PXDNL: variants seen among roughly 807,000 people sequenced by gnomAD.
The protein encoded by PXDNL is probable oxidoreductase PXDNL.
A neutral mutation model predicts 150.8 loss-of-function variants in PXDNL; 145 were observed. The observed-to-expected ratio is 0.96, with a 90% CI of 0.84 to 1.10. PXDNL has a LOEUF of 1.10. Among genes scored for constraint, PXDNL ranks in the 50% least tolerant of loss-of-function variants. The pLI, the probability that PXDNL is intolerant of heterozygous loss-of-function variation, is 0.00. For synonymous variants in PXDNL, 757 were observed against 725.7 expected (o/e 1.04, Z -0.69); for missense variants, 2,087 against 1,873.9 (o/e 1.11, Z -2.10).
intron 1 of PXDNL, among the ~76,000 whole-genome samples, chr8:51,661,737 T>C (rs1007158532): frequency 2.0e-5 from 3 of 152,246 alleles, no homozygotes; most frequent in South Asian, 4.1e-4. Flanking sequence ...GCAAAATCTG[T>C]AGGGAGACCA....
chr8:51,564,125 A>T (rs1157180442), intron 3 of PXDNL, among the ~76,000 whole-genome samples: 1 of 151,990 alleles, frequency 6.6e-6, no homozygotes, highest in Non-Finnish European at 1.5e-5. Flanking sequence ...TTCAGATTTT[A>T]TTTTCAATTA....
intron 1 of PXDNL, 109 bp from the exon 2 acceptor site, chr8:51,654,869 T>C: frequency 1.3e-6 from 1 of 775,956 alleles, no homozygotes; most frequent in Non-Finnish European, 2.2e-6. Context: ...CATACAGTAC[T>C]AAAGGACTAA....
At chr8:51,784,146 T>C (rs931647071) in intron 1 of PXDNL, among the ~76,000 whole-genome samples, 14 of 152,352 alleles carry the variant, frequency 9.2e-5, no homozygotes, top group Admixed American at 2.0e-4. Flanking sequence ...CCAAGAACTA[T>C]ACAAGACTCT....
chr8:51,364,664 A>G (rs1425631968), intron 19 of PXDNL, among the ~76,000 whole-genome samples: 2 of 152,220 alleles, frequency 1.3e-5, no homozygotes, highest in Non-Finnish European at 2.9e-5. Flanking sequence ...TAAGTGAGAA[A>G]TGTTCATGGT....
intron 1 of PXDNL, among the ~76,000 whole-genome samples, chr8:51,733,036 G>T (rs1487535768): frequency 2.0e-5 from 3 of 152,172 alleles, no homozygotes; most frequent in Non-Finnish European, 2.9e-5. Context: ...AGAGCAATTT[G>T]TCACCTTGAG....
At chr8:51,436,723 T>C (rs1232566384) in intron 12 of PXDNL, among the ~76,000 whole-genome samples, 1 of 152,072 alleles carries the variant, frequency 6.6e-6, no homozygotes, top group Non-Finnish European at 1.5e-5. Context: ...AAGAGGGAAG[T>C]TCATAGCCTT....
At position 51,389,184 on chromosome 8, in the gene PXDNL, G is replaced by A. The variant is rs555625141; in HGVS notation, c.3558-14453C>T. Among the ~76,000 whole-genome samples, 21 of 152,268 alleles carry A rather than the reference G, an allele frequency of 1.4e-4. No homozygotes were observed. In the South Asian group the frequency reaches 2.3e-3, roughly 17 times the overall value. ...CGTGATTGTCTGTATGCACCAGGTC[G>A]TAAAAGAATGCCTAGAGAGTGATTT... On this transcript the variant is annotated intron_variant, in intron 17 of 22. Transcript: ENST00000356297.
rs527517468 is a variant in PXDNL, at chr8:51,679,905, C to T, written c.165-25145G>A. 1.6e-4 allele frequency among the ~76,000 whole-genome samples: 24 copies of T among 152,314 alleles called. 2 individuals carry two copies. The South Asian group carries it at 4.8e-3, about 30-fold the overall frequency. ...GGCCAAAGTTATCCCTGTTTGTGCA[C>T]TCATAACTCTCTCCTGGGACACATG... On this transcript the variant is annotated intron_variant, in intron 1 of 22. Transcript: ENST00000356297.
intron 17 of PXDNL, among the ~76,000 whole-genome samples, chr8:51,394,043 G>A (rs1807996473): frequency 1.3e-5 from 2 of 152,210 alleles, no homozygotes; most frequent in Non-Finnish European, 2.9e-5. Context: ...GCATTCTCCA[G>A]TTGACAACTC....
intron 2 of PXDNL, among the ~76,000 whole-genome samples, chr8:51,613,036 G>T (rs966341743): frequency 7.2e-5 from 11 of 152,090 alleles, no homozygotes; most frequent in Non-Finnish European, 1.5e-4. Flanking sequence ...GGCAGATGCC[G>T]CAAGGACCTA....
At chr8:51,328,713 T>C (rs1312193752) in intron 21 of PXDNL, among the ~76,000 whole-genome samples, 2 of 152,198 alleles carry the variant, frequency 1.3e-5, no homozygotes, top group African/African-American at 2.4e-5. Flanking sequence ...AATGTGAGCA[T>C]GACAAACTAC....
intron 12 of PXDNL, among the ~76,000 whole-genome samples, chr8:51,445,439 G>T (rs892681249): frequency 1.1e-4 from 16 of 152,152 alleles, no homozygotes; most frequent in Admixed American, 6.6e-5. Context: ...CCAATTGCTA[G>T]TGGTATTTTC....
chr8:51,648,284 G>A (rs748036654), intron 2 of PXDNL, among the ~76,000 whole-genome samples: 3 of 152,150 alleles, frequency 2.0e-5, no homozygotes, highest in East Asian at 1.9e-4. Context: ...AGGGATCTTC[G>A]GGGATGTGAT....
At chr8:51,722,910 C>T (rs1025531881) in intron 1 of PXDNL, among the ~76,000 whole-genome samples, 6 of 151,774 alleles carry the variant, frequency 4.0e-5, no homozygotes, top group Non-Finnish European at 7.4e-5. Flanking sequence ...GGGGGTGGGG[C>T]CTTTGCCAGG....
At chr8:51,361,923 G>C (rs1193822552) in intron 19 of PXDNL, among the ~76,000 whole-genome samples, 1 of 102,118 alleles carries the variant, frequency 9.8e-6, no homozygotes, top group African/African-American at 3.9e-5. Flanking sequence ...GGGCAACAGA[G>C]TGAGATTCCA....
In PXDNL at chr8:51,475,112, T is replaced by C. The variant is rs1810443915; in HGVS notation, c.554A>G (p.Asp185Gly). 6.2e-7 allele frequency: 1 copy of C among 1,613,824 alleles called. No homozygotes were observed. Among genetic ancestry groups the C allele is most frequent in the South Asian group, 1.1e-5 (1 of 91,074 alleles). The change falls in exon 7 of 23, where the codon GAC becomes GGC. Residue 185 changes from aspartate to glycine, a missense_variant. Transcript: ENST00000356297. ...LRLDSNALVC[D>G]CDLMWLGELL... is the part of the protein sequence containing the mutation. ...CTCCCCCAGCCACATCAGATCACAGTCACAAACCAGGGCGTTGGAATCCAG... is the reference window on the plus strand; with the variant it reads ...CTCCCCCAGCCACATCAGATCACAGCCACAAACCAGGGCGTTGGAATCCAG...
intron 4 of PXDNL, among the ~76,000 whole-genome samples, chr8:51,530,945 G>T (rs1161149866): frequency 6.6e-6 from 1 of 152,188 alleles, no homozygotes; most frequent in Non-Finnish European, 1.5e-5. Context: ...GAAAGAAAAT[G>T]CCTAGCACAA....
intron 1 of PXDNL, among the ~76,000 whole-genome samples, chr8:51,701,253 T>C (rs1259085831): frequency 6.6e-6 from 1 of 152,268 alleles, no homozygotes; most frequent in East Asian, 1.9e-4. Flanking sequence ...ATTATATGTA[T>C]ATTACAGGTG....
intron 1 of PXDNL, among the ~76,000 whole-genome samples, chr8:51,792,686 C>T (rs191778494): frequency 2.0e-5 from 3 of 152,284 alleles, no homozygotes; most frequent in African/African-American, 7.2e-5. Context: ...GGAGGAATTC[C>T]CCACAGCACA....
Sources: gnomAD v4.1 joint callset for allele counts (sites outside exome capture counted in the v4.1 genomes callset) on GRCh38, gnomAD v4.1.1 for gene constraint, MANE v1.5 for transcripts, NCBI Gene and HGNC (gene_info 2026-07-23, HGNC 2026-07-21) for gene names.